Variants in IFIT1 observed in about 807,000 individuals in gnomAD.
IFIT1 encodes the protein antiviral innate immune response effector IFIT1.
A neutral mutation model predicts 2.5 loss-of-function variants in IFIT1; 1 was observed. That is an observed-to-expected ratio of 0.40 (90% CI 0.14 to 1.92). The LOEUF (loss-of-function observed/expected upper bound fraction) is 1.92. Among genes scored for constraint, IFIT1 ranks in the 40% most tolerant of loss-of-function variants. IFIT1 has a pLI of 0.31. For synonymous variants in IFIT1, 191 were observed against 201.7 expected (o/e 0.95, Z 0.45); for missense variants, 508 against 557.8 (o/e 0.91, Z 0.90).
At position 89,403,410 on chromosome 10, in the gene IFIT1, G is replaced by C. The variant is rs747959584; in HGVS notation, c.1135G>C (p.Asp379His). ...ACCAGTGGTAGAAGAAACAATGCAA[G>C]ACATACATTTCCACTATGGTCGGTT... ...MKPVVEETMQDIHFHYGRFQE... is the reference protein window; with the variant it reads ...MKPVVEETMQHIHFHYGRFQE... The change falls in exon 2 of 2, where the codon GAC (aspartate) becomes CAC (histidine). Residue 379 changes from aspartate (D) to histidine (H), a missense_variant. Transcript: ENST00000371804. 6.2e-7 allele frequency: 1 copy of C among 1,613,888 alleles called. No individual in the cohort carries two copies. The highest frequency in any genetic ancestry group is 8.5e-7 in the Non-Finnish European group (1 of 1,179,926).
chr10:89,400,590 A>G (rs1441473653), intron 1 of IFIT1, among the ~76,000 whole-genome samples: 4 of 152,168 alleles, frequency 2.6e-5, no homozygotes, highest in Admixed American at 2.0e-4. Flanking sequence ...AATTGTTACT[A>G]TATAGAAATA....
intron 1 of IFIT1, among the ~76,000 whole-genome samples, chr10:89,394,609 TATATATATATATATATATAA>T (rs1475799400): frequency 0.066 from 1,991 of 30,086 alleles, 96 homozygotes; most frequent in African/African-American, 0.16. Context: ...TATATATATA[TATATATATATATATATATAA>T]AACTTGAATT....
chr10:89,403,724 T>C lies in IFIT1; in HGVS notation c.*12T>C. On this transcript the variant is annotated 3_prime_UTR_variant, in exon 2 of 2. Transcript: ENST00000371804. ...GACAAGGTCCTTAGGCACCCAGATATCAGCCACTTTCACATTTCATTTCAT... is the reference window on the plus strand; with the variant it reads ...GACAAGGTCCTTAGGCACCCAGATACCAGCCACTTTCACATTTCATTTCAT... The C allele has an allele frequency of 7.3e-7, 1 of 1,375,364 alleles. No homozygotes were observed. The highest frequency in any genetic ancestry group is 1.5e-5 in the African/African-American group (1 of 68,638). The allele number at this position is 1,375,364 out of a possible 1,614,324, so 85.2% of individuals were successfully genotyped here.
chr10:89,402,210 G>A, intron 1 of IFIT1, 71 bp from the exon 2 acceptor site: 1 of 905,478 alleles, frequency 1.1e-6, no homozygotes, highest in South Asian at 1.6e-5. Context: ...TAAAATACAA[G>A]GTATTTTATC....
chr10:89,402,642 A>C lies in IFIT1; in HGVS notation c.367A>C (p.Asn123His), dbSNP rs191411023. 12 of 1,614,242 alleles carry C rather than the reference A, an allele frequency of 7.4e-6. No individual in the cohort carries two copies. The highest frequency in any genetic ancestry group is 9.3e-6 in the Non-Finnish European group (11 of 1,180,046). ...CCAGACTTACCTGGACAAGGTGGAG[A>C]ACATTTGCAAGAAGCTTTCAAATCC... ...EAQTYLDKVENICKKLSNPFR... is the reference protein window; with the variant it reads ...EAQTYLDKVEHICKKLSNPFR... Residue 123 changes from asparagine to histidine, a missense_variant, in exon 2 of 2, where the codon AAC (asparagine) becomes CAC (histidine). Physicochemically the swap from Asn to His is moderately conservative, Grantham distance 68. Coordinates refer to ENST00000371804, the MANE Select transcript of IFIT1 (RefSeq NM_001548.5).
chr10:89,393,397 T>C (rs893086392), intron 1 of IFIT1: 5 of 862,072 alleles, frequency 5.8e-6, no homozygotes, highest in Non-Finnish European at 7.8e-6. Context: ...GTATCTTCCT[T>C]ACCTAAAGGG....
At position 89,403,133 on chromosome 10, in the gene IFIT1, A is replaced by G; in HGVS notation, c.858A>G (p.Leu286=). 6.2e-7 allele frequency: 1 copy of G among 1,614,166 alleles called. No homozygotes were observed. The highest frequency in any genetic ancestry group is 8.5e-7 in the Non-Finnish European group (1 of 1,180,010). ...KALQETPTSV[L]LHHQIGLCYK... ...TGCAGGAAACACCCACTTCTGTCTT[A>G]CTGCATCACCAGATAGGGCTTTGCT... The change falls in exon 2 of 2, where the codon TTA becomes TTG. Residue 286 remains leucine (L), a synonymous_variant. Coordinates refer to ENST00000371804, the MANE Select transcript of IFIT1 (RefSeq NM_001548.5).
In IFIT1 at chr10:89,404,480, G is replaced by A. The variant is rs1844497090; in HGVS notation, c.*768G>A. On this transcript the variant is annotated 3_prime_UTR_variant, in exon 2 of 2. Transcript: ENST00000371804. ...ACCACAGAGTGAACACAGAATGCAT[G>A]TGACATACATGTTTACATACCACTA... is the stretch of plus-strand genomic sequence containing the variant. 6.6e-6 allele frequency: 1 copy of A among 152,360 alleles called. No homozygotes were observed. Among genetic ancestry groups the A allele is most frequent in the East Asian group, 1.9e-4 (1 of 5,190 alleles). 9.4% of individuals were successfully genotyped at this position (152,360 alleles called of 1,614,324 possible). A position where few individuals can be genotyped will look rare whatever the true frequency, so the allele number is the denominator to read the frequency against.
In IFIT1 at chr10:89,405,292, A is replaced by T. The variant is rs1317798788; in HGVS notation, c.*1580A>T. The stretch of plus-strand genomic sequence containing the variant: ...GTTAAATCAAGAAATATTACATGAA[A>T]ATGTTGCTAAATCAGAGATCATGGG... On this transcript the variant is annotated 3_prime_UTR_variant, in exon 2 of 2. Coordinates refer to ENST00000371804, the MANE Select transcript of IFIT1 (RefSeq NM_001548.5). 6.6e-6 allele frequency: 1 copy of T among 152,238 alleles called. No individual in the cohort carries two copies. The highest frequency in any genetic ancestry group is 2.4e-5 in the African/African-American group (1 of 41,458). The allele number at this position is 152,238 out of a possible 1,614,324, so 9.4% of individuals were successfully genotyped here.
chr10:89,403,294 A>T lies in IFIT1; in HGVS notation c.1019A>T (p.Glu340Val), dbSNP rs1465504571. The change falls in exon 2 of 2, where the codon GAG becomes GTG. Residue 340 changes from glutamate to valine, a missense_variant. By Grantham distance (121) the Glu-to-Val change is moderately radical (BLOSUM62 -2). Transcript: ENST00000371804. ...ESAVEKKPTFEVAHLDLARMY... is the reference protein window; with the variant it reads ...ESAVEKKPTFVVAHLDLARMY... Reference sequence around the variant, plus strand: ...GCAGTGGAAAAAAAGCCCACATTTGAGGTGGCTCATCTAGACCTGGCAAGA... The same window carrying T: ...GCAGTGGAAAAAAAGCCCACATTTGTGGTGGCTCATCTAGACCTGGCAAGA... The T allele has an allele frequency of 6.2e-7, 1 of 1,614,166 alleles. No homozygotes were observed. The highest frequency in any genetic ancestry group is 2.2e-5 in the East Asian group (1 of 44,884).
At chr10:89,400,002 C>G (rs1384378896) in intron 1 of IFIT1, among the ~76,000 whole-genome samples, 2 of 152,190 alleles carry the variant, frequency 1.3e-5, no homozygotes, top group Non-Finnish European at 1.5e-5. Context: ...GCCTCGAGAA[C>G]TGTAAGAAAA....
Position 89,405,590 on chromosome 10 carries a change from C to T in IFIT1, c.*1878C>T, listed in dbSNP as rs1050456987. On this transcript the variant is annotated 3_prime_UTR_variant, in exon 2 of 2. Coordinates refer to ENST00000371804, the MANE Select transcript of IFIT1 (RefSeq NM_001548.5). The stretch of plus-strand genomic sequence containing the variant: ...AAGTCAAGGTATTGATGACGCTACA[C>T]TCCTCCGGAGGCTCTAGGCAGATAG... 1.3e-5 allele frequency: 2 copies of T among 152,190 alleles called. No homozygotes were observed. The highest frequency in any genetic ancestry group is 6.5e-5 in the Admixed American group (1 of 15,288). 9.4% of individuals were successfully genotyped at this position (152,190 alleles called of 1,614,324 possible). A position where few individuals can be genotyped will look rare whatever the true frequency, so the allele number is the denominator to read the frequency against.
intron 1 of IFIT1, among the ~76,000 whole-genome samples, chr10:89,398,275 T>A (rs1469348011): frequency 6.6e-6 from 1 of 152,256 alleles, no homozygotes; most frequent in Non-Finnish European, 1.5e-5. Flanking sequence ...CAGGCTTGTT[T>A]ATTTATGTTG....
intron 1 of IFIT1, among the ~76,000 whole-genome samples, chr10:89,399,867 C>T (rs1844397319): frequency 6.6e-6 from 1 of 151,612 alleles, no homozygotes; most frequent in Non-Finnish European, 1.5e-5. Flanking sequence ...AAAGCTCACT[C>T]TCTCTCTCTC....
Position 89,397,530 on chromosome 10 carries a change from G to C in IFIT1, c.6-4751G>C, listed in dbSNP as rs578020905. ...TTAATTTGCATTTCTCTAATGGCTAGAGGCTTAGGGCATCTTTTTTCTTTT... is the reference window on the plus strand; with the variant it reads ...TTAATTTGCATTTCTCTAATGGCTACAGGCTTAGGGCATCTTTTTTCTTTT... On this transcript the variant is annotated intron_variant, in intron 1 of 1. Transcript: ENST00000371804. 6.6e-5 allele frequency among the ~76,000 whole-genome samples: 10 copies of C among 152,186 alleles called. No individual in the cohort carries two copies. In the East Asian group the frequency reaches 1.9e-3, roughly 29 times the overall value.
chr10:89,402,447 C>T lies in IFIT1; in HGVS notation c.172C>T (p.Leu58=). ...ATACAGTGTGGGAATACACAACCTA[C>T]TAGCCTATGTGAAACACCTGAAAGG... The part of the protein sequence containing the change: ...TKYSVGIHNL[L]AYVKHLKGQN... Residue 58 remains leucine, a synonymous_variant, in exon 2 of 2, where the codon CTA becomes TTA. Transcript: ENST00000371804. 1 of 1,614,168 alleles carries T rather than the reference C, an allele frequency of 6.2e-7. No homozygotes were observed. The highest frequency in any genetic ancestry group is 8.5e-7 in the Non-Finnish European group (1 of 1,180,028).
At chr10:89,395,181 C>A (rs1844323226) in intron 1 of IFIT1, among the ~76,000 whole-genome samples, 1 of 149,560 alleles carries the variant, frequency 6.7e-6, no homozygotes, top group Non-Finnish European at 1.5e-5. Context: ...CCCACTGACC[C>A]CACCCCCACC....
At chr10:89,399,748 C>T (rs897301570) in intron 1 of IFIT1, among the ~76,000 whole-genome samples, 5 of 150,872 alleles carry the variant, frequency 3.3e-5, no homozygotes, top group Non-Finnish European at 5.9e-5. Flanking sequence ...CCTTAACCCT[C>T]TTATGTTGAA....
At position 89,403,342 on chromosome 10, in the gene IFIT1, A is replaced by G. The variant is rs767103697; in HGVS notation, c.1067A>G (p.His356Arg). The change falls in exon 2 of 2, where the codon CAC becomes CGC. Residue 356 changes from histidine to arginine, a missense_variant. Coordinates refer to ENST00000371804, the MANE Select transcript of IFIT1 (RefSeq NM_001548.5). ...LARMYIEAGN[H>R]RKAEENFQKL... ...AGAATGTATATAGAAGCAGGCAATC[A>G]CAGAAAAGCTGAAGAGAATTTTCAA... 1.9e-6 allele frequency: 3 copies of G among 1,613,050 alleles called. No individual in the cohort carries two copies. The highest frequency in any genetic ancestry group is 3.3e-5 in the Admixed American group (2 of 59,818).
Sources: allele counts gnomAD v4.1 joint callset (sites outside exome capture counted in the v4.1 genomes callset), GRCh38; gene constraint gnomAD v4.1.1; transcripts MANE v1.5; gene names NCBI Gene and HGNC (gene_info 2026-07-23, HGNC 2026-07-21).